Variants in ALKBH5 observed in about 807,000 individuals in gnomAD.
ALKBH5 encodes the protein RNA demethylase ALKBH5.
ALKBH5 carries 2 observed loss-of-function variants against 32.1 expected under a neutral mutation model. The observed-to-expected ratio is 0.06, with a 90% CI of 0.03 to 0.20. ALKBH5 has a LOEUF of 0.20. Among genes scored for constraint, ALKBH5 ranks in the 10% least tolerant of loss-of-function variants. ALKBH5 has a pLI of 1.00. For synonymous variants in ALKBH5, 300 were observed against 231.7 expected (o/e 1.29, Z -2.68); for missense variants, 352 against 559.5 (o/e 0.63, Z 3.74).
At position 18,184,380 on chromosome 17, in the gene ALKBH5, C is replaced by T. The variant is rs1244526144; in HGVS notation, c.137C>T (p.Ala46Val). 2.6e-6 allele frequency: 4 copies of T among 1,520,020 alleles called. No individual in the cohort carries two copies. Among genetic ancestry groups the T allele is most frequent in the African/African-American group, 1.4e-5 (1 of 70,098 alleles). 94.2% of individuals were successfully genotyped at this position (1,520,020 alleles called of 1,614,324 possible). A position where few individuals can be genotyped will look rare whatever the true frequency, so the allele number is the denominator to read the frequency against. Residue 46 changes from alanine (A) to valine (V), a missense_variant, in exon 1 of 4, where the codon GCT (alanine) becomes GTT (valine). This residue lies in a region of ALKBH5 where 144 missense variants were observed against 125.8 expected (regional missense o/e 1.14). Coordinates refer to ENST00000399138, the MANE Select transcript of ALKBH5 (RefSeq NM_017758.4). ...GTAGCCGCCGCAGCCGCAGCCGCCG[C>T]TGCCGCCGAACCTTACCCTGTGTCC... ...AAVAAAAAAA[A>V]AAEPYPVSGA...
intron 1 of ALKBH5, among the ~76,000 whole-genome samples, chr17:18,190,140 AG>A (rs1159126894): frequency 2.6e-5 from 4 of 152,228 alleles, no homozygotes; most frequent in African/African-American, 9.6e-5. Flanking sequence ...ATCCTGGCCT[AG>A]GCAGGGCATG....
chr17:18,196,189 A>G (rs1403135419), intron 2 of ALKBH5, among the ~76,000 whole-genome samples: 1 of 150,752 alleles, frequency 6.6e-6, no homozygotes, highest in East Asian at 1.9e-4. Flanking sequence ...CTTGGCTGTA[A>G]CAGTTTCTCA....
At chr17:18,189,926 G>T (rs2047163729) in intron 1 of ALKBH5, among the ~76,000 whole-genome samples, 1 of 152,156 alleles carries the variant, frequency 6.6e-6, no homozygotes, top group South Asian at 2.1e-4. Flanking sequence ...ATAAAGTTAG[G>T]CCATGGGTCG....
intron 2 of ALKBH5, 157 bp from the exon 3 acceptor site, chr17:18,206,658 T>C (rs1011198704): frequency 6.6e-6 from 5 of 754,292 alleles, no homozygotes; most frequent in African/African-American, 5.3e-5. Flanking sequence ...GCTAGACCAA[T>C]CTCTAGTTGA....
In ALKBH5 at chr17:18,208,664, C is replaced by A; in HGVS notation, c.*268C>A. Reference sequence around the variant, plus strand: ...GGACAGAGGCTGATGCTGGAGTGGCCAGTAGAGGTGGTGGAGCAGAGCAGC... The same window carrying A: ...GGACAGAGGCTGATGCTGGAGTGGCAAGTAGAGGTGGTGGAGCAGAGCAGC... On this transcript the variant is annotated 3_prime_UTR_variant, in exon 4 of 4. Coordinates refer to ENST00000399138, the MANE Select transcript of ALKBH5 (RefSeq NM_017758.4). The A allele has an allele frequency of 1.7e-6, 1 of 575,500 alleles. No homozygotes were observed. The highest frequency in any genetic ancestry group is 3.1e-6 in the Non-Finnish European group (1 of 319,096). The allele number at this position is 575,500 out of a possible 1,614,324, so 35.6% of individuals were successfully genotyped here.
At position 18,189,918 on chromosome 17, in the gene ALKBH5, A is replaced by G. The variant is rs185815110; in HGVS notation, c.770+4905A>G. On this transcript the variant is annotated intron_variant, in intron 1 of 3. Coordinates refer to ENST00000399138, the MANE Select transcript of ALKBH5 (RefSeq NM_017758.4). ...TTCAGAAAGCCCCAGGACTTCTTAT[A>G]AAGTTAGGCCATGGGTCGTCTTGGA... 4.9e-4 allele frequency among the ~76,000 whole-genome samples: 75 copies of G among 152,318 alleles called. 1 individual carries two copies. The highest frequency in any genetic ancestry group is 4.4e-3 in the East Asian group (23 of 5,182).
chr17:18,192,058 T>C (rs974975730), intron 1 of ALKBH5, among the ~76,000 whole-genome samples: 20 of 152,020 alleles, frequency 1.3e-4, no homozygotes, highest in Admixed American at 4.6e-4. Flanking sequence ...CAGTGTGGAA[T>C]GATAAAAGCA....
intron 1 of ALKBH5, 141 bp downstream of exon 1, chr17:18,185,154 A>G (rs1567673112): frequency 1.1e-5 from 15 of 1,422,252 alleles, no homozygotes; most frequent in Non-Finnish European, 1.0e-5. Flanking sequence ...AGGGAGCGAG[A>G]GAAGGGTTTT....
chr17:18,194,667 AAG>A (rs2047195823), intron 1 of ALKBH5, among the ~76,000 whole-genome samples: 1 of 152,176 alleles, frequency 6.6e-6, no homozygotes, highest in South Asian at 2.1e-4. Flanking sequence ...CCTTTTAAAA[AAG>A]GGTTCCTGGC....
At chr17:18,193,556 AAATT>A (rs1425332820) in intron 1 of ALKBH5, among the ~76,000 whole-genome samples, 1 of 152,032 alleles carries the variant, frequency 6.6e-6, no homozygotes, top group African/African-American at 2.4e-5. Flanking sequence ...AAAAAAAAAA[AAATT>A]AAATAAAATA....
Position 18,200,092 on chromosome 17 carries a change from A to C in ALKBH5, c.851+5057A>C, listed in dbSNP as rs892325431. ...AGCCTGGGAGACAGAGCGAGACTCCATCTCAAAAAAAAAAAAAAAATTTTT... is the reference window on the plus strand; with the variant it reads ...AGCCTGGGAGACAGAGCGAGACTCCCTCTCAAAAAAAAAAAAAAAATTTTT... On this transcript the variant is annotated intron_variant, in intron 2 of 3. Coordinates refer to ENST00000399138, the MANE Select transcript of ALKBH5 (RefSeq NM_017758.4). 2.0e-4 allele frequency among the ~76,000 whole-genome samples: 27 copies of C among 134,414 alleles called. No individual in the cohort carries two copies. In the Middle Eastern group the frequency reaches 0.012, roughly 57 times the overall value. The allele number at this position is 134,414 out of a possible 152,430, so 88.2% of individuals were successfully genotyped here.
At chr17:18,201,523 C>T (rs1182782993) in intron 2 of ALKBH5, among the ~76,000 whole-genome samples, 1 of 151,828 alleles carries the variant, frequency 6.6e-6, no homozygotes, top group Non-Finnish European at 1.5e-5. Context: ...TTTGGGAAGC[C>T]GAGGTGGGCG....
intron 2 of ALKBH5, among the ~76,000 whole-genome samples, chr17:18,199,942 C>G (rs1472813466): frequency 6.6e-6 from 1 of 151,738 alleles, no homozygotes; most frequent in Non-Finnish European, 1.5e-5. Flanking sequence ...TCTAAAAATA[C>G]AAGAATTAGC....
chr17:18,195,930 TCTTC>T (rs1272386852), intron 2 of ALKBH5, among the ~76,000 whole-genome samples: 4 of 152,078 alleles, frequency 2.6e-5, no homozygotes, highest in Non-Finnish European at 4.4e-5. Flanking sequence ...TCTGTCGTCT[TCTTC>T]CTTCCTTCCT....
intron 2 of ALKBH5, among the ~76,000 whole-genome samples, chr17:18,202,030 G>T (rs991980289): frequency 6.6e-6 from 1 of 151,970 alleles, no homozygotes; most frequent in Non-Finnish European, 1.5e-5. Flanking sequence ...TTAATTGGCC[G>T]GGTGCGGTGG....
At chr17:18,205,195 G>A (rs1196288228) in intron 2 of ALKBH5, among the ~76,000 whole-genome samples, 1 of 152,194 alleles carries the variant, frequency 6.6e-6, no homozygotes, top group East Asian at 1.9e-4. Context: ...AGAAGCCTTA[G>A]AGCTAGTCAC....
intron 1 of ALKBH5, among the ~76,000 whole-genome samples, chr17:18,191,464 T>A (rs558360900): frequency 3.0e-4 from 45 of 152,272 alleles, no homozygotes; most frequent in African/African-American, 1.0e-3. Flanking sequence ...TCTAGAGCCC[T>A]TTGGGGGATG....
chr17:18,191,477 G>A (rs1339002869), intron 1 of ALKBH5, among the ~76,000 whole-genome samples: 1 of 152,212 alleles, frequency 6.6e-6, no homozygotes, highest in Non-Finnish European at 1.5e-5. Flanking sequence ...GGGGGATGGG[G>A]TCAGGGAGCA....
chr17:18,189,803 G>A (rs1185670139), intron 1 of ALKBH5, among the ~76,000 whole-genome samples: 1 of 152,210 alleles, frequency 6.6e-6, no homozygotes, highest in Non-Finnish European at 1.5e-5. Flanking sequence ...AGCTAAAAGT[G>A]TCTCAGGAGA....
Sources: allele counts gnomAD v4.1 joint callset (sites outside exome capture counted in the v4.1 genomes callset), GRCh38; gene constraint gnomAD v4.1.1; regional missense constraint gnomAD v4.1.1; transcripts MANE v1.5; gene names NCBI Gene and HGNC (gene_info 2026-07-23, HGNC 2026-07-21).